MON2: variants seen among roughly 807,000 people sequenced by gnomAD.
MON2 encodes protein MON2 homolog.
Under a neutral mutation model 208.6 loss-of-function variants are expected in MON2, and 84 were observed. The observed-to-expected ratio is 0.40, with a 90% confidence interval of 0.34 to 0.48. MON2 has a LOEUF of 0.48. Ranked by LOEUF, MON2 falls within the 20% of genes least tolerant of loss-of-function variation. The pLI is 0.59. For synonymous variants in MON2, 660 were observed against 694.0 expected, an observed-to-expected ratio of 0.95 and a Z score of 0.77; for missense variants, 1,611 against 2,015.4, an observed-to-expected ratio of 0.80 and a Z score of 3.84.
chr12:62,504,245 CTTT>C (rs71450586), intron 7 of MON2, among the ~76,000 whole-genome samples: 6 of 118,598 alleles, frequency 5.1e-5, no homozygotes, highest in Admixed American at 9.1e-5. Flanking sequence ...CTTTTCTTTT[CTTT>C]TTTTTTTTTT....
chr12:62,535,809 A>G, intron 14 of MON2, 100 bp downstream of exon 14: 1 of 801,990 alleles, frequency 1.2e-6, no homozygotes, highest in South Asian at 3.6e-5. Flanking sequence ...TTTTTCACAT[A>G]CTGACTGTGT....
intron 22 of MON2, 101 bp from the exon 23 acceptor site, chr12:62,549,567 G>A (rs1013413474): frequency 3.2e-5 from 32 of 1,007,502 alleles, no homozygotes; most frequent in Middle Eastern, 3.3e-4. Flanking sequence ...AGGCATGATC[G>A]CACCACTGCA....
rs1277370833 is a variant in MON2, at chr12:62,560,948, T to C, written c.3867T>C (p.Thr1289=). Residue 1289 remains threonine, a synonymous_variant, in exon 26 of 35, where the codon ACT becomes ACC. Transcript: ENST00000393630. ...IFPALYQHIK[T]GFNMDDLQKL... is the part of the protein sequence containing the mutation. ...CAGCTCTCTACCAACACATAAAAACTGGTTTCAATATGGATGACTTGCAAA... is the reference window on the plus strand; with the variant it reads ...CAGCTCTCTACCAACACATAAAAACCGGTTTCAATATGGATGACTTGCAAA... The C allele has an allele frequency of 1.2e-6, 2 of 1,614,024 alleles. No homozygotes were observed. Among genetic ancestry groups the C allele is most frequent in the Non-Finnish European group, 1.7e-6 (2 of 1,179,918 alleles).
At chr12:62,470,713 G>A in intron 1 of MON2, 1 of 1,170,922 alleles carries the variant, frequency 8.5e-7, no homozygotes, top group Non-Finnish European at 1.1e-6. Context: ...ACAGATGAGG[G>A]GTATCTAACT....
chr12:62,569,762 C>T (rs1212058265), intron 29 of MON2, among the ~76,000 whole-genome samples: 1 of 152,050 alleles, frequency 6.6e-6, no homozygotes, highest in Non-Finnish European at 1.5e-5. Flanking sequence ...GACAGTTCCT[C>T]CCAAAGCACA....
Position 62,566,111 on chromosome 12 carries a change from G to A in MON2, c.4194+80G>A. ...CTTTCCCGGTTCTTGGTAGAATGCT[G>A]TATGTGCTTTTTCCAATAGTTTTAA... On this transcript the variant is annotated intron_variant, in intron 28 of 34. Coordinates refer to ENST00000393630, the MANE Select transcript of MON2 (RefSeq NM_015026.3). 3.4e-6 allele frequency: 5 copies of A among 1,452,450 alleles called. No homozygotes were observed. The Middle Eastern group carries it at 7.1e-4, about 205-fold the overall frequency. 90.0% of individuals were successfully genotyped at this position (1,452,450 alleles called of 1,614,324 possible). A position where few individuals can be genotyped will look rare whatever the true frequency, so the allele number is the denominator to read the frequency against.
At chr12:62,552,430 TATAAG>T (rs145068252) in intron 23 of MON2, among the ~76,000 whole-genome samples, 2,768 of 152,272 alleles carry the variant, frequency 0.018, 87 homozygotes, top group African/African-American at 0.063. Context: ...TTATCATTAA[TATAAG>T]ATATGTTTGG....
chr12:62,499,955 A>AT (rs1304286343), intron 5 of MON2, among the ~76,000 whole-genome samples: 5 of 151,796 alleles, frequency 3.3e-5, no homozygotes, highest in East Asian at 1.9e-4. Flanking sequence ...TTTTTTCTTT[A>AT]TTTTTTCTTG....
chr12:62,578,879 C>T (rs2074892440), intron 31 of MON2, among the ~76,000 whole-genome samples: 1 of 152,084 alleles, frequency 6.6e-6, no homozygotes, highest in Non-Finnish European at 1.5e-5. Context: ...TTGAATTTTT[C>T]AGTTTTTAAT....
chr12:62,474,178 G>A (rs1257121148), intron 1 of MON2, among the ~76,000 whole-genome samples: 1 of 150,438 alleles, frequency 6.6e-6, no homozygotes, highest in Non-Finnish European at 1.5e-5. Flanking sequence ...AAGTGCAATG[G>A]TGCGATCTCA....
intron 4 of MON2, among the ~76,000 whole-genome samples, chr12:62,496,105 A>G (rs1474821261): frequency 6.6e-6 from 1 of 152,128 alleles, no homozygotes; most frequent in Non-Finnish European, 1.5e-5. Flanking sequence ...CTGTCACATT[A>G]AGCTGTGTAT....
At chr12:62,529,803 A>G (rs1289152306) in intron 11 of MON2, among the ~76,000 whole-genome samples, 1 of 152,074 alleles carries the variant, frequency 6.6e-6, no homozygotes, top group African/African-American at 2.4e-5. Context: ...TATAAATGGA[A>G]TCACACAATA....
intron 4 of MON2, among the ~76,000 whole-genome samples, chr12:62,496,711 C>A (rs11174513): frequency 0.37 from 56,164 of 152,076 alleles, 10,573 homozygotes; most frequent in African/African-American, 0.41. Flanking sequence ...ATACAAATAT[C>A]TGACAAAGGA....
chr12:62,499,797 C>T (rs541187761), intron 5 of MON2, among the ~76,000 whole-genome samples: 2 of 151,780 alleles, frequency 1.3e-5, no homozygotes, highest in South Asian at 2.1e-4. Flanking sequence ...CACTTGAACC[C>T]GAGAGGCAGA....
intron 30 of MON2, among the ~76,000 whole-genome samples, chr12:62,576,723 A>ATCG (rs978883388): frequency 6.6e-6 from 1 of 151,872 alleles, no homozygotes; most frequent in African/African-American, 2.4e-5. Context: ...TAAAAGCTCA[A>ATCG]TCGATGTTTT....
chr12:62,517,528 G>GGTGGA (rs1292871603), intron 8 of MON2, among the ~76,000 whole-genome samples: 1 of 152,022 alleles, frequency 6.6e-6, no homozygotes. Context: ...AAGGCATGAG[G>GGTGGA]GTGGGACTCT....
rs762668775 is a variant in MON2, at chr12:62,553,177, A to AT, written c.3210+5dup. The AT allele has an allele frequency of 6.2e-7, 1 of 1,611,440 alleles. No homozygotes were observed. The highest frequency in any genetic ancestry group is 1.7e-5 in the Admixed American group (1 of 59,982). On this transcript the variant is annotated splice_donor_region_variant and intron_variant, in intron 24 of 34. Coordinates refer to ENST00000393630, the MANE Select transcript of MON2 (RefSeq NM_015026.3). ...CCTGGCACACTGTTATCTGGAAGGT[A>AT]TTGTAAAATAGATTGGACTATCAGC... is the stretch of plus-strand genomic sequence containing the variant.
Position 62,546,904 on chromosome 12 carries a change from A to C in MON2, c.2585A>C (p.Gln862Pro). The change falls in exon 22 of 35, where the codon CAG (glutamine) becomes CCG (proline). Residue 862 changes from glutamine to proline, a missense_variant. Transcript: ENST00000393630. ...TTCTTGCCCCCTTTTCAGAGGCTGC[A>C]GTTGCTTTTATTGAACCCGTTAAAG... The part of the protein sequence containing the change: ...DPPLSQNQRL[Q>P]LLLLNPLKEM... 1.2e-6 allele frequency: 2 copies of C among 1,602,412 alleles called. No homozygotes were observed. The highest frequency in any genetic ancestry group is 8.5e-7 in the Non-Finnish European group (1 of 1,173,812).
rs2073654770 is a variant in MON2 at position 62,549,595 on chromosome 12, G to C, written c.2754-73G>C. Reference sequence around the variant, plus strand: ...CCACTGCACTCCAACCTGAGTGGCAGAGTGAGACCCTGTCTCAAAAATAAA... The same window carrying C: ...CCACTGCACTCCAACCTGAGTGGCACAGTGAGACCCTGTCTCAAAAATAAA... On this transcript the variant is annotated intron_variant, in intron 22 of 34. Coordinates refer to ENST00000393630, the MANE Select transcript of MON2 (RefSeq NM_015026.3). 2.2e-6 allele frequency: 3 copies of C among 1,349,496 alleles called. No individual in the cohort carries two copies. In the African/African-American group the frequency reaches 4.4e-5, roughly 20 times the overall value. 83.6% of individuals were successfully genotyped at this position (1,349,496 alleles called of 1,614,324 possible).
Sources: gnomAD v4.1 joint callset for allele counts (sites outside exome capture counted in the v4.1 genomes callset) on GRCh38, gnomAD v4.1.1 for gene constraint, MANE v1.5 for transcripts, NCBI Gene and HGNC (gene_info 2026-07-23, HGNC 2026-07-21) for gene names.